BRDT: variants seen among roughly 807,000 people sequenced by gnomAD.
The protein encoded by BRDT is bromodomain testis-specific protein.
In BRDT, 77 loss-of-function variants were observed where a neutral mutation model predicts 113.9. That is an observed-to-expected ratio of 0.68 (90% CI 0.56 to 0.82). BRDT has a LOEUF of 0.82. Among genes scored for constraint, BRDT ranks in the 40% least tolerant of loss-of-function variants. BRDT has a pLI of 0.00. For missense variants in BRDT, 1,027 were observed against 1,105.4 expected, an observed-to-expected ratio of 0.93 and a Z score of 1.01; for synonymous variants, 358 against 366.5, an observed-to-expected ratio of 0.98 and a Z score of 0.26.
chr1:91,971,720 G>A (rs143762207), intron 4 of BRDT, among the ~76,000 whole-genome samples: 84 of 152,298 alleles, frequency 5.5e-4, no homozygotes, highest in African/African-American at 2.0e-3. Context: ...AGATTCAGTG[G>A]AGGCCTCATT....
chr1:91,980,186 TGCTTGA>T (rs1366101504), intron 8 of BRDT, among the ~76,000 whole-genome samples: 1 of 152,128 alleles, frequency 6.6e-6, no homozygotes, highest in African/African-American at 2.4e-5. Flanking sequence ...GTGGGAGGAT[TGCTTGA>T]GCTCAGGAGT....
intron 15 of BRDT, among the ~76,000 whole-genome samples, chr1:91,994,942 CAGATAT>C (rs1390337160): frequency 2.0e-5 from 3 of 146,520 alleles, no homozygotes; most frequent in Non-Finnish European, 4.5e-5. Context: ...AAAGAAGTTA[CAGATAT>C]ATAAAATAGT....
chr1:91,988,286 A>G (rs1004311451), intron 12 of BRDT, among the ~76,000 whole-genome samples: 1 of 152,236 alleles, frequency 6.6e-6, no homozygotes, highest in Non-Finnish European at 1.5e-5. Flanking sequence ...TAGTGCATAT[A>G]TTATCCACTT....
intron 1 of BRDT, among the ~76,000 whole-genome samples, chr1:91,954,459 G>A (rs1439113813): frequency 6.6e-6 from 1 of 151,408 alleles, no homozygotes; most frequent in African/African-American, 2.4e-5. Context: ...TTTGTATTTT[G>A]TGTAGACACA....
intron 4 of BRDT, among the ~76,000 whole-genome samples, chr1:91,968,976 G>A (rs1403622805): frequency 3.3e-5 from 5 of 151,770 alleles, no homozygotes; most frequent in South Asian, 2.1e-4. Context: ...TCACTCTGTC[G>A]CCCAGGCTGG....
chr1:91,993,986 G>A (rs939477807), intron 14 of BRDT, 97 bp from the exon 15 acceptor site: 42 of 971,452 alleles, frequency 4.3e-5, no homozygotes, highest in Non-Finnish European at 5.9e-5. Flanking sequence ...TAAAAAGGTA[G>A]CATTAAATTA....
At chr1:91,958,214 C>CCTT (rs1553183980) in intron 1 of BRDT, among the ~76,000 whole-genome samples, 1 of 127,342 alleles carries the variant, frequency 7.9e-6, no homozygotes. Context: ...AACTCATGCC[C>CCTT]TTTTTTTTTT....
At chr1:92,004,281 T>C in intron 16 of BRDT, 133 bp from the exon 17 acceptor site, 1 of 574,238 alleles carries the variant, frequency 1.7e-6, no homozygotes, top group Non-Finnish European at 3.0e-6. Context: ...AGTAACCTTT[T>C]ACTTTAGTAA....
intron 18 of BRDT, among the ~76,000 whole-genome samples, chr1:92,006,651 A>G (rs1026463278): frequency 1.3e-5 from 2 of 151,916 alleles, no homozygotes; most frequent in African/African-American, 4.8e-5. Flanking sequence ...TATTTTTAAT[A>G]GAAATGGGGT....
chr1:91,983,411 C>T (rs536689105), intron 12 of BRDT, among the ~76,000 whole-genome samples: 15 of 151,806 alleles, frequency 9.9e-5, no homozygotes, highest in Middle Eastern at 3.4e-3. Flanking sequence ...ACTACAGGCA[C>T]GCCCAGCTAA....
chr1:92,001,993 TG>T (rs1443652348), intron 15 of BRDT, 55 bp from the exon 16 acceptor site: 7 of 1,279,134 alleles, frequency 5.5e-6, no homozygotes, highest in Non-Finnish European at 6.6e-6. Flanking sequence ...AATCAAATTC[TG>T]GGTAAGTAGG....
rs1457835907 is a variant in BRDT at position 91,957,637 on chromosome 1, A to G, written c.-37-5081A>G. The G allele has an allele frequency of 3.9e-5, 6 of 152,154 alleles. No individual in the cohort carries two copies. In the South Asian group the frequency reaches 6.2e-4, roughly 16 times the overall value. 9.4% of individuals were successfully genotyped at this position (152,154 alleles called of 1,614,324 possible). ...ACAATCAATGAACCTACATTGACACATCACCCAACATTAATAGTTTCCATA... is the reference window on the plus strand; with the variant it reads ...ACAATCAATGAACCTACATTGACACGTCACCCAACATTAATAGTTTCCATA... On this transcript the variant is annotated intron_variant, in intron 1 of 18. Transcript: ENST00000399546.
At chr1:91,967,342 TCTC>T (rs1279608557) in intron 3 of BRDT, among the ~76,000 whole-genome samples, 1 of 151,694 alleles carries the variant, frequency 6.6e-6, no homozygotes, top group Admixed American at 6.6e-5. Context: ...TTCAAGCAAT[TCTC>T]CTGCCTCAGC....
chr1:91,983,874 G>A (rs917394298), intron 12 of BRDT, among the ~76,000 whole-genome samples: 18 of 151,992 alleles, frequency 1.2e-4, no homozygotes, highest in African/African-American at 4.1e-4. Flanking sequence ...TAGAGATGGG[G>A]TTTCACCATG....
chr1:91,968,047 G>A (rs2101604112), intron 3 of BRDT, 99 bp from the exon 4 acceptor site: 1 of 1,188,832 alleles, frequency 8.4e-7, no homozygotes, highest in Non-Finnish European at 1.2e-6. Context: ...CCGTCTAGGA[G>A]TACTATGTTA....
At chr1:91,981,897 C>A in intron 12 of BRDT, 142 bp downstream of exon 12, 1 of 1,179,388 alleles carries the variant, frequency 8.5e-7, no homozygotes, top group Non-Finnish European at 1.2e-6. Flanking sequence ...TGCATGTTGA[C>A]AATCTTAGTA....
chr1:92,003,937 A>AC (rs1343108044), intron 16 of BRDT, among the ~76,000 whole-genome samples: 2 of 152,142 alleles, frequency 1.3e-5, no homozygotes, highest in Non-Finnish European at 1.5e-5. Context: ...CAGTCACATC[A>AC]CTTAAGTTTT....
intron 18 of BRDT, among the ~76,000 whole-genome samples, chr1:92,012,040 G>C (rs768536026): frequency 1.1e-4 from 16 of 152,170 alleles, no homozygotes; most frequent in Non-Finnish European, 2.4e-4. Flanking sequence ...TGGGTACAGT[G>C]GCTCACGCCT....
intron 3 of BRDT, among the ~76,000 whole-genome samples, chr1:91,965,115 T>C (rs1009684425): frequency 2.6e-5 from 4 of 152,010 alleles, no homozygotes; most frequent in African/African-American, 9.7e-5. Flanking sequence ...GGTTTTACCA[T>C]GTTGGCCTGG....
Sources: allele counts gnomAD v4.1 joint callset (sites outside exome capture counted in the v4.1 genomes callset), GRCh38; gene constraint gnomAD v4.1.1; transcripts MANE v1.5; gene names NCBI Gene and HGNC (gene_info 2026-07-23, HGNC 2026-07-21).